Variants in SOS2 observed in about 807,000 individuals in gnomAD.
SOS2 encodes SOS Ras/Rho guanine nucleotide exchange factor 2, also known as son of sevenless homolog 2.
Under a neutral mutation model 148.2 loss-of-function variants are expected in SOS2, and 65 were observed. That is an observed-to-expected ratio of 0.44 (90% CI 0.36 to 0.54). The LOEUF is 0.54. Ranked by LOEUF, SOS2 falls within the 20% of genes least tolerant of loss-of-function variation. The probability of loss-of-function intolerance (pLI) is 0.00; values close to 1 mark genes in which losing one functional copy is unlikely to be tolerated. For missense variants in SOS2, 1,341 were observed against 1,590.2 expected (o/e 0.84, Z 2.67); for synonymous variants, 539 against 537.1 (o/e 1.00, Z -0.05).
chr14:50,193,666 C>G (rs1348337309), intron 4 of SOS2, among the ~76,000 whole-genome samples: 1 of 151,994 alleles, frequency 6.6e-6, no homozygotes, highest in Non-Finnish European at 1.5e-5. Context: ...CTCTAGATAT[C>G]AGTTTGGATA....
In SOS2 at chr14:50,136,515, G is replaced by A. The variant is rs762267820; in HGVS notation, c.2958+2097C>T. On this transcript the variant is annotated intron_variant, in intron 18 of 22. Coordinates refer to ENST00000216373, the MANE Select transcript of SOS2 (RefSeq NM_006939.4). ...TCCGAAGCCCCACATCACAGAGGGC[G>A]GGTTCAATGGTGAGAGGGGATGAAA... is the stretch of plus-strand genomic sequence containing the variant. Among the ~76,000 whole-genome samples the A allele has an allele frequency of 4.6e-5, 7 of 152,052 alleles. No homozygotes were observed. In the South Asian group the frequency reaches 1.2e-3, roughly 27 times the overall value.
At chr14:50,165,486 CA>C (rs1885137387) in intron 8 of SOS2, among the ~76,000 whole-genome samples, 1 of 152,068 alleles carries the variant, frequency 6.6e-6, no homozygotes, top group Admixed American at 6.6e-5. Flanking sequence ...CTCCACTGAA[CA>C]AAGGAAAAAT....
Position 50,221,687 on chromosome 14 carries a change from A to T in SOS2, c.87+9510T>A, listed in dbSNP as rs1042367578. On this transcript the variant is annotated intron_variant, in intron 1 of 22. Transcript: ENST00000216373. ...GAAAGCATCTTTAAGATTTTTAAAA[A>T]ATTAGCCAAGTGTGGTGGCATGTGC... is the stretch of plus-strand genomic sequence containing the variant. 3.9e-5 allele frequency among the ~76,000 whole-genome samples: 6 copies of T among 152,160 alleles called. No individual in the cohort carries two copies. The East Asian group carries it at 9.6e-4, about 24-fold the overall frequency.
At chr14:50,147,071 C>T (rs1383053786) in intron 14 of SOS2, among the ~76,000 whole-genome samples, 1 of 151,512 alleles carries the variant, frequency 6.6e-6, no homozygotes, top group Non-Finnish European at 1.5e-5. Flanking sequence ...AGTAGTTCCT[C>T]CCTGCAGTTC....
chr14:50,142,561 G>T (rs1478437604), intron 16 of SOS2, among the ~76,000 whole-genome samples: 1 of 152,122 alleles, frequency 6.6e-6, no homozygotes, highest in African/African-American at 2.4e-5. Context: ...ATACTAAAAT[G>T]GAATAATATT....
At chr14:50,203,503 C>T (rs971340082) in intron 2 of SOS2, among the ~76,000 whole-genome samples, 3 of 152,058 alleles carry the variant, frequency 2.0e-5, no homozygotes, top group Admixed American at 6.6e-5. Flanking sequence ...GTAAAACTCT[C>T]CCTAACAGAT....
intron 5 of SOS2, among the ~76,000 whole-genome samples, chr14:50,185,984 C>T (rs150302072): frequency 9.9e-5 from 15 of 152,234 alleles, no homozygotes; most frequent in Non-Finnish European, 1.5e-4. Flanking sequence ...TCATCAGGGT[C>T]TTAGGGTTAA....
chr14:50,199,494 C>CA (rs1319899092), intron 4 of SOS2, among the ~76,000 whole-genome samples, 197 bp downstream of exon 4: 1 of 151,608 alleles, frequency 6.6e-6, no homozygotes, highest in African/African-American at 2.4e-5. Context: ...GATTCTTGAC[C>CA]AAAAAAAGAG....
In SOS2 at chr14:50,150,090, G is replaced by C; in HGVS notation, c.2302C>G (p.Gln768Glu). The change falls in exon 14 of 23, where the codon CAG (glutamine) becomes GAG (glutamate). Residue 768 changes from glutamine (Q) to glutamate (E), a missense_variant. Transcript: ENST00000216373. The part of the protein sequence containing the change: ...PIEWHISKPG[Q>E]FETFDLMTLH... ...GTCATGAGATCAAATGTTTCAAACT[G>C]TCCTGGTTTGCTGATATGCCATTCA... 6.2e-7 allele frequency: 1 copy of C among 1,613,866 alleles called. No homozygotes were observed.
chr14:50,159,351 G>A, intron 10 of SOS2, 80 bp downstream of exon 10: 1 of 855,034 alleles, frequency 1.2e-6, no homozygotes, highest in Non-Finnish European at 1.8e-6. Flanking sequence ...TTTTCCCCAA[G>A]CCTCAAATAT....
At chr14:50,190,382 A>G (rs780490767) in intron 4 of SOS2, among the ~76,000 whole-genome samples, 1 of 152,202 alleles carries the variant, frequency 6.6e-6, no homozygotes, top group Admixed American at 6.6e-5. Flanking sequence ...TGATCACCAT[A>G]AACTGTACCA....
intron 4 of SOS2, 102 bp from the exon 5 acceptor site, chr14:50,188,802 G>A (rs563362461): frequency 7.5e-6 from 6 of 798,548 alleles, no homozygotes; most frequent in Non-Finnish European, 1.2e-5. Context: ...AGGGCTGGGT[G>A]TTGTAATCCC....
rs1299068261 is a variant in SOS2 at position 50,150,290 on chromosome 14, T to G, written c.2162-60A>C. On this transcript the variant is annotated intron_variant, in intron 13 of 22. Transcript: ENST00000216373. ...ACTTGACAGACATGACTGCAAATCT[T>G]CATTTAATCCTTAACTTTCACCCAG... 1.5e-5 allele frequency: 17 copies of G among 1,128,782 alleles called. 2 individuals carry two copies. In the Admixed American group the frequency reaches 3.0e-4, roughly 20 times the overall value. The allele number at this position is 1,128,782 out of a possible 1,614,324, so 69.9% of individuals were successfully genotyped here.
intron 8 of SOS2, among the ~76,000 whole-genome samples, chr14:50,165,075 A>G: frequency 6.6e-6 from 1 of 152,180 alleles, no homozygotes. Flanking sequence ...AGTCAAATGT[A>G]TCACAAATTA....
chr14:50,192,534 C>A (rs889544689), intron 4 of SOS2, among the ~76,000 whole-genome samples: 5 of 150,552 alleles, frequency 3.3e-5, no homozygotes, highest in African/African-American at 1.2e-4. Flanking sequence ...CCAGCCTGGG[C>A]GAAAGAGCAA....
chr14:50,160,379 C>CTTTT lies in SOS2; in HGVS notation c.1197-297_1197-294dup, dbSNP rs200021758. Among the ~76,000 whole-genome samples, 100 of 78,916 alleles carry CTTTT rather than the reference C, an allele frequency of 1.3e-3. 5 individuals carry two copies. Among genetic ancestry groups the CTTTT allele is most frequent in the South Asian group, 3.0e-3 (6 of 2,004 alleles). 51.8% of individuals were successfully genotyped at this position (78,916 alleles called of 152,430 possible). On this transcript the variant is annotated intron_variant, in intron 9 of 22. Transcript: ENST00000216373. ...ATCCTAATAATATAACAATGCTAATCTTTTTTTTTTTTTTTTTTTTTTTTT... is the reference window on the plus strand; with the variant it reads ...ATCCTAATAATATAACAATGCTAATCTTTTTTTTTTTTTTTTTTTTTTTTTTTTT...
intron 13 of SOS2, among the ~76,000 whole-genome samples, chr14:50,150,653 G>T (rs1187986104): frequency 2.0e-5 from 3 of 150,252 alleles, no homozygotes; most frequent in Non-Finnish European, 4.4e-5. Context: ...CTTCCATGTT[G>T]CGGGCTCAAG....
chr14:50,220,256 C>T (rs1206076298), intron 1 of SOS2, among the ~76,000 whole-genome samples: 1 of 147,442 alleles, frequency 6.8e-6, no homozygotes, highest in South Asian at 2.1e-4. Flanking sequence ...AAAAAAAAAA[C>T]TTAGCTGGGC....
chr14:50,204,753 G>A (rs1238004496), intron 1 of SOS2, among the ~76,000 whole-genome samples: 1 of 152,122 alleles, frequency 6.6e-6, no homozygotes, highest in African/African-American at 2.4e-5. Context: ...CGCAGGTCAT[G>A]AATCCCAGTA....
Sources: gnomAD v4.1 joint callset for allele counts (sites outside exome capture counted in the v4.1 genomes callset) on GRCh38, gnomAD v4.1.1 for gene constraint, MANE v1.5 for transcripts, NCBI Gene and HGNC (gene_info 2026-07-23, HGNC 2026-07-21) for gene names.